The following METTL25 variants were observed in gnomAD, a reference collection of about 807,000 sequenced individuals.
The protein encoded by METTL25 is probable methyltransferase-like protein 25.
METTL25 carries 64 observed loss-of-function variants against 71.6 expected under a neutral mutation model. The observed-to-expected ratio is 0.89, with a 90% CI of 0.73 to 1.10. METTL25 has a LOEUF of 1.10. METTL25 is among the 50% of genes least tolerant of loss of function. The pLI is 0.00. For missense variants in METTL25, 807 were observed against 707.0 expected (o/e 1.14, Z -1.60); for synonymous variants, 287 against 250.3 (o/e 1.15, Z -1.38).
At chr12:82,472,632 T>C (rs1231316900) in intron 9 of METTL25, among the ~76,000 whole-genome samples, 3 of 152,146 alleles carry the variant, frequency 2.0e-5, no homozygotes, top group South Asian at 2.1e-4. Context: ...TGTTCTGTTA[T>C]TGAAGCTCTC....
intron 8 of METTL25, among the ~76,000 whole-genome samples, chr12:82,452,828 A>G (rs1021858877): frequency 6.6e-5 from 10 of 152,016 alleles, no homozygotes; most frequent in Non-Finnish European, 1.0e-4. Context: ...TGAGCCATGC[A>G]CCGTATATTG....
At chr12:82,382,604 A>G (rs1448990573) in intron 1 of METTL25, among the ~76,000 whole-genome samples, 1 of 152,236 alleles carries the variant, frequency 6.6e-6, no homozygotes, top group Non-Finnish European at 1.5e-5. Context: ...ACAACTGGGC[A>G]TAAAGCATAG....
rs946036922 is a variant in METTL25, at chr12:82,399,084, C to A, written c.821C>A (p.Thr274Asn). Reference protein sequence around the residue: ...NSPTNQEKMPTSAILPDFSGS... With the variant: ...NSPTNQEKMPNSAILPDFSGS... ...CCTACAAATCAAGAAAAGATGCCTACCTCAGCTATTTTGCCTGATTTTTCT... is the reference window on the plus strand; with the variant it reads ...CCTACAAATCAAGAAAAGATGCCTAACTCAGCTATTTTGCCTGATTTTTCT... Residue 274 changes from threonine to asparagine, a missense_variant, in exon 4 of 12, where the codon ACC (threonine) becomes AAC (asparagine). Transcript: ENST00000248306. 1.9e-6 allele frequency: 3 copies of A among 1,612,984 alleles called. No homozygotes were observed. The highest frequency in any genetic ancestry group is 2.5e-6 in the Non-Finnish European group (3 of 1,179,356).
intron 1 of METTL25, 81 bp downstream of exon 1, chr12:82,358,905 C>T: frequency 1.3e-6 from 2 of 1,508,130 alleles, no homozygotes; most frequent in Non-Finnish European, 1.8e-6. Flanking sequence ...TGGTGGAAGC[C>T]AGCAGAACCA....
intron 9 of METTL25, among the ~76,000 whole-genome samples, chr12:82,460,555 A>G (rs925797833): frequency 6.6e-6 from 1 of 152,234 alleles, no homozygotes; most frequent in African/African-American, 2.4e-5. Flanking sequence ...CTTTATTCCT[A>G]TGATAGTTCT....
At chr12:82,460,219 C>T (rs1297241146) in intron 9 of METTL25, among the ~76,000 whole-genome samples, 1 of 152,034 alleles carries the variant, frequency 6.6e-6, no homozygotes, top group African/African-American at 2.4e-5. Context: ...TTGTCTAGAC[C>T]CCCCTTATAT....
At chr12:82,460,948 C>G (rs1294615304) in intron 9 of METTL25, among the ~76,000 whole-genome samples, 2 of 152,134 alleles carry the variant, frequency 1.3e-5, no homozygotes, top group African/African-American at 4.8e-5. Flanking sequence ...TGGAGACCAT[C>G]CTGGCTAACA....
At chr12:82,366,059 A>G (rs6539665) in intron 1 of METTL25, among the ~76,000 whole-genome samples, 151,787 of 152,290 alleles carry the variant, frequency 1, 75,645 homozygotes, top group Middle Eastern at 1. Flanking sequence ...ACCAGCTTGG[A>G]CAACAGAGTG....
intron 9 of METTL25, among the ~76,000 whole-genome samples, chr12:82,457,442 T>C (rs1891571058): frequency 6.6e-6 from 1 of 151,962 alleles, no homozygotes; most frequent in African/African-American, 2.4e-5. Flanking sequence ...GAATAGAGTA[T>C]GTGGTCAAAG....
intron 11 of METTL25, among the ~76,000 whole-genome samples, chr12:82,478,039 T>C (rs908749735): frequency 1.3e-5 from 2 of 151,850 alleles, no homozygotes; most frequent in African/African-American, 2.4e-5. Context: ...TTGAAACAAA[T>C]GGATATTTAA....
Position 82,403,057 on chromosome 12 carries a change from T to G in METTL25, c.1206T>G (p.Ser402=). 1 of 1,613,548 alleles carries G rather than the reference T, an allele frequency of 6.2e-7. No homozygotes were observed. The highest frequency in any genetic ancestry group is 8.5e-7 in the Non-Finnish European group (1 of 1,179,614). Reference sequence around the variant, plus strand: ...CTTTGCGAATATTTACCTCCAACTCTGAAATCAAGGGAGTTTGCAGTGTGG... The same window carrying G: ...CTTTGCGAATATTTACCTCCAACTCGGAAATCAAGGGAGTTTGCAGTGTGG... ...PNTLRIFTSN[S]EIKGVCSVGC... is the part of the protein sequence containing the mutation. The change falls in exon 5 of 12, where the codon TCT becomes TCG. Residue 402 remains serine (S), a synonymous_variant. Coordinates refer to ENST00000248306, the MANE Select transcript of METTL25 (RefSeq NM_032230.3).
At chr12:82,436,322 A>G (rs750402438) in intron 7 of METTL25, among the ~76,000 whole-genome samples, 54 of 151,466 alleles carry the variant, frequency 3.6e-4, no homozygotes, top group Non-Finnish European at 6.7e-4. Flanking sequence ...CTTTAAGGGT[A>G]TACACTTTGT....
At chr12:82,401,463 T>G (rs373317326) in intron 4 of METTL25, among the ~76,000 whole-genome samples, 2 of 152,214 alleles carry the variant, frequency 1.3e-5, no homozygotes, top group South Asian at 2.1e-4. Flanking sequence ...CCCATTGAGA[T>G]GAAGTACTGT....
chr12:82,372,623 A>T (rs1883357560), intron 1 of METTL25, among the ~76,000 whole-genome samples: 1 of 152,094 alleles, frequency 6.6e-6, no homozygotes, highest in South Asian at 2.1e-4. Flanking sequence ...TCAGAGAGAG[A>T]ATATTGGGGC....
intron 5 of METTL25, among the ~76,000 whole-genome samples, chr12:82,408,280 A>T (rs17775025): frequency 0.06 from 9,083 of 152,230 alleles, 337 homozygotes; most frequent in Middle Eastern, 0.12. Context: ...GTCAAGTGCC[A>T]GTTTGCGGAT....
intron 5 of METTL25, among the ~76,000 whole-genome samples, chr12:82,416,718 C>T (rs1478491470): frequency 5.3e-5 from 8 of 151,962 alleles, no homozygotes; most frequent in African/African-American, 1.9e-4. Context: ...AGCATTCTGC[C>T]CACCTCGGCC....
At chr12:82,393,890 A>C (rs7955076) in intron 3 of METTL25, among the ~76,000 whole-genome samples, 3,485 of 151,834 alleles carry the variant, frequency 0.023, 134 homozygotes, top group African/African-American at 0.08. Flanking sequence ...ATTGCTGTCA[A>C]CTTCTTAGTA....
At chr12:82,377,462 T>C (rs560270064) in intron 1 of METTL25, among the ~76,000 whole-genome samples, 3 of 152,294 alleles carry the variant, frequency 2.0e-5, no homozygotes, top group East Asian at 3.9e-4. Context: ...CTGGGTGTTA[T>C]CTAAAAAACT....
intron 6 of METTL25, among the ~76,000 whole-genome samples, chr12:82,434,450 A>T (rs572567256): frequency 1.5e-4 from 22 of 151,672 alleles, no homozygotes; most frequent in African/African-American, 5.1e-4. Flanking sequence ...GTATATAATT[A>T]GAATTGACAT....
Sources: allele counts gnomAD v4.1 joint callset (sites outside exome capture counted in the v4.1 genomes callset), GRCh38; gene constraint gnomAD v4.1.1; transcripts MANE v1.5; gene names NCBI Gene and HGNC (gene_info 2026-07-23, HGNC 2026-07-21).